Variants in CAMK2D observed in about 807,000 individuals in gnomAD.
CAMK2D encodes the protein calcium/calmodulin dependent protein kinase II delta.
A neutral mutation model predicts 84.0 loss-of-function variants in CAMK2D; 37 were observed. That is an observed-to-expected ratio of 0.44 (90% CI 0.34 to 0.58). The LOEUF is 0.58. CAMK2D is among the 20% of genes least tolerant of loss of function. The pLI is 0.02. For missense variants in CAMK2D, 448 were observed against 652.5 expected (o/e 0.69, Z 3.41); for synonymous variants, 202 against 212.5 (o/e 0.95, Z 0.43).
At chr4:113,597,885 C>G (rs2098934298) in intron 4 of CAMK2D, among the ~76,000 whole-genome samples, 1 of 152,096 alleles carries the variant, frequency 6.6e-6, no homozygotes, top group Non-Finnish European at 1.5e-5. Context: ...ATCTTTGTGT[C>G]TCAGGGAATA....
chr4:113,581,023 ACC>A (rs1398158394), intron 4 of CAMK2D, among the ~76,000 whole-genome samples: 1 of 152,128 alleles, frequency 6.6e-6, no homozygotes, highest in East Asian at 1.9e-4. Flanking sequence ...GTACACGTCC[ACC>A]TATGTAACAA....
chr4:113,708,419 T>C (rs1196088155), intron 2 of CAMK2D, among the ~76,000 whole-genome samples: 1 of 152,002 alleles, frequency 6.6e-6, no homozygotes, highest in Non-Finnish European at 1.5e-5. Context: ...CAACTGACAA[T>C]AAAATGAACG....
intron 16 of CAMK2D, among the ~76,000 whole-genome samples, chr4:113,484,929 C>T (rs541044535): frequency 6.6e-6 from 1 of 152,234 alleles, no homozygotes; most frequent in South Asian, 2.1e-4. Context: ...AGTGTCTTTG[C>T]CACTAACCTT....
chr4:113,556,179 G>A (rs2098663439), intron 4 of CAMK2D, among the ~76,000 whole-genome samples: 1 of 152,170 alleles, frequency 6.6e-6, no homozygotes, highest in South Asian at 2.1e-4. Flanking sequence ...ACCCTATGAA[G>A]TAGATACTAG....
intron 2 of CAMK2D, chr4:113,754,132 C>T (rs950470198): frequency 4.5e-6 from 4 of 887,610 alleles, no homozygotes; most frequent in Non-Finnish European, 5.4e-6. Context: ...TGCTAATACT[C>T]CATTTAATGC....
chr4:113,661,677 A>G (rs2099232906), intron 3 of CAMK2D, 36 bp downstream of exon 3: 2 of 973,252 alleles, frequency 2.1e-6, no homozygotes, highest in African/African-American at 1.6e-5. Flanking sequence ...AAAATTTTAA[A>G]TTAACATTTA....
intron 16 of CAMK2D, among the ~76,000 whole-genome samples, chr4:113,484,224 G>A (rs1397365879): frequency 6.6e-6 from 1 of 152,092 alleles, no homozygotes; most frequent in Admixed American, 6.5e-5. Context: ...ACCCAGCCAT[G>A]GAATTTAGTA....
intron 3 of CAMK2D, among the ~76,000 whole-genome samples, chr4:113,610,638 A>G (rs1278874916): frequency 6.6e-6 from 1 of 152,082 alleles, no homozygotes; most frequent in Non-Finnish European, 1.5e-5. Flanking sequence ...TGAATTTTCT[A>G]TTGTTATTAA....
intron 2 of CAMK2D, among the ~76,000 whole-genome samples, chr4:113,674,361 C>CA (rs1362284131): frequency 6.6e-6 from 1 of 152,160 alleles, no homozygotes; most frequent in Non-Finnish European, 1.5e-5. Flanking sequence ...TGAGAAGGAA[C>CA]ATTTACCTTT....
At chr4:113,489,141 C>CT (rs372210662) in intron 16 of CAMK2D, among the ~76,000 whole-genome samples, 5,290 of 150,170 alleles carry the variant, frequency 0.035, 222 homozygotes, top group African/African-American at 0.11. Flanking sequence ...AGTAATTTTT[C>CT]TTTTTTTTTT....
At position 113,649,803 on chromosome 4, in the gene CAMK2D, C is replaced by T. The variant is rs547283195; in HGVS notation, c.220+11910G>A. 8.9e-4 allele frequency among the ~76,000 whole-genome samples: 136 copies of T among 152,322 alleles called. 4 individuals carry two copies. The South Asian group carries it at 0.027, about 30-fold the overall frequency. Reference sequence around the variant, plus strand: ...CCATTAGAAATGGAAGACAACTGGCCAGGCGTGGTGGCTCATGCCTGTAAT... The same window carrying T: ...CCATTAGAAATGGAAGACAACTGGCTAGGCGTGGTGGCTCATGCCTGTAAT... On this transcript the variant is annotated intron_variant, in intron 3 of 20. Coordinates refer to ENST00000511664, the MANE Select transcript of CAMK2D (RefSeq NM_001321571.2).
chr4:113,748,964 T>C lies in CAMK2D; in HGVS notation c.160+10356A>G, dbSNP rs572320784. Reference sequence around the variant, plus strand: ...TATTAATGTTTAGTATTAAAGCATATAAAATTCACTTTATCAAAGTAATAA... The same window carrying C: ...TATTAATGTTTAGTATTAAAGCATACAAAATTCACTTTATCAAAGTAATAA... On this transcript the variant is annotated intron_variant, in intron 2 of 20. Transcript: ENST00000511664. Among the ~76,000 whole-genome samples the C allele has an allele frequency of 9.9e-5, 15 of 152,042 alleles. No individual in the cohort carries two copies. In the South Asian group the frequency reaches 2.7e-3, roughly 27 times the overall value.
intron 16 of CAMK2D, among the ~76,000 whole-genome samples, chr4:113,470,182 T>C (rs1405507695): frequency 3.3e-5 from 5 of 152,156 alleles, no homozygotes; most frequent in Non-Finnish European, 7.3e-5. Flanking sequence ...TTTGACTTTA[T>C]CTTCTCCAAT....
chr4:113,601,742 C>G, intron 4 of CAMK2D, among the ~76,000 whole-genome samples: 1 of 131,072 alleles, frequency 7.6e-6, no homozygotes, highest in East Asian at 2.3e-4. Flanking sequence ...GCTCTGTCAC[C>G]TAGAGTGCAG....
At chr4:113,706,796 G>A (rs116537542) in intron 2 of CAMK2D, among the ~76,000 whole-genome samples, 14 of 152,256 alleles carry the variant, frequency 9.2e-5, no homozygotes, top group African/African-American at 3.4e-4. Context: ...AAAACTCTAC[G>A]TAATTAATGA....
chr4:113,712,373 T>G lies in CAMK2D; in HGVS notation c.160+46947A>C, dbSNP rs1045488619. 7.9e-5 allele frequency among the ~76,000 whole-genome samples: 12 copies of G among 152,152 alleles called. No individual in the cohort carries two copies. In the South Asian group the frequency reaches 2.5e-3, roughly 32 times the overall value. On this transcript the variant is annotated intron_variant, in intron 2 of 20. Coordinates refer to ENST00000511664, the MANE Select transcript of CAMK2D (RefSeq NM_001321571.2). ...CAAATTCATATATTATTTATAGACT[T>G]ATGCTTTAAAGCTGATGGGAAATAG...
intron 2 of CAMK2D, among the ~76,000 whole-genome samples, chr4:113,688,385 T>C (rs72895948): frequency 0.071 from 10,838 of 152,278 alleles, 489 homozygotes; most frequent in African/African-American, 0.13. Flanking sequence ...AAATAGCTTT[T>C]CATCATTTTT....
chr4:113,736,939 A>T (rs1052753422), intron 2 of CAMK2D, among the ~76,000 whole-genome samples: 2 of 152,156 alleles, frequency 1.3e-5, no homozygotes, highest in Non-Finnish European at 2.9e-5. Context: ...CATTATGAAG[A>T]ATTCCATCTT....
intron 2 of CAMK2D, among the ~76,000 whole-genome samples, chr4:113,755,972 G>A (rs1254403418): frequency 6.6e-6 from 1 of 151,938 alleles, no homozygotes; most frequent in Non-Finnish European, 1.5e-5. Flanking sequence ...TGCTTGAGAT[G>A]CTTCCATACT....
Sources: gnomAD v4.1 joint callset for allele counts (sites outside exome capture counted in the v4.1 genomes callset) on GRCh38, gnomAD v4.1.1 for gene constraint, MANE v1.5 for transcripts, NCBI Gene and HGNC (gene_info 2026-07-23, HGNC 2026-07-21) for gene names.